PHF21B: variants seen among roughly 807,000 people sequenced by gnomAD.
The protein encoded by PHF21B is PHD finger protein 21B.
PHF21B carries 22 observed loss-of-function variants against 62.2 expected under a neutral mutation model. The observed-to-expected ratio is 0.35, with a 90% CI of 0.25 to 0.51. PHF21B has a LOEUF of 0.51. Ranked by LOEUF, PHF21B falls within the 20% of genes least tolerant of loss-of-function variation. The probability of loss-of-function intolerance (pLI) is 0.97; values close to 1 mark genes in which losing one functional copy is unlikely to be tolerated. For synonymous variants in PHF21B, 341 were observed against 314.7 expected, an observed-to-expected ratio of 1.08 and a Z score of -0.88; for missense variants, 701 against 707.9, an observed-to-expected ratio of 0.99 and a Z score of 0.11.
chr22:44,988,744 A>C, intron 2 of PHF21B, among the ~76,000 whole-genome samples: 1 of 152,202 alleles, frequency 6.6e-6, no homozygotes, highest in East Asian at 1.9e-4. Context: ...AGCATTGTGG[A>C]AGTTTAGCAA....
In PHF21B at chr22:44,913,761, G is replaced by C. The variant is rs541064716; in HGVS notation, c.831+61C>G. 914 of 1,548,678 alleles carry C rather than the reference G, an allele frequency of 5.9e-4. 16 individuals carry two copies. In the South Asian group the frequency reaches 0.011, roughly 18 times the overall value. ...TGAGGCCATCCCCGCTATACACAGCGGCCTCAGATGGCACCTGCAGACTGA... is the reference window on the plus strand; with the variant it reads ...TGAGGCCATCCCCGCTATACACAGCCGCCTCAGATGGCACCTGCAGACTGA... On this transcript the variant is annotated intron_variant, in intron 5 of 12. Transcript: ENST00000313237.
chr22:44,916,361 G>C lies in PHF21B; in HGVS notation c.483C>G (p.Ala161=). The change falls in exon 4 of 13, where the codon GCC becomes GCG. Residue 161 remains alanine (A), a synonymous_variant. Coordinates refer to ENST00000313237, the MANE Select transcript of PHF21B (RefSeq NM_138415.5). ...AIISTSPSNA[A]AMAPSTAVSV... ...ACACGGCGGTGCTGGGGGCCATGGC[G>C]GCGGCATTGCTGGGGGAGGTGGAGA... 2 of 1,595,232 alleles carry C rather than the reference G, an allele frequency of 1.3e-6. No individual in the cohort carries two copies. Among genetic ancestry groups the C allele is most frequent in the Non-Finnish European group, 1.7e-6 (2 of 1,176,196 alleles).
intron 2 of PHF21B, among the ~76,000 whole-genome samples, chr22:44,981,849 T>C (rs937709813): frequency 6.6e-6 from 1 of 152,180 alleles, no homozygotes; most frequent in African/African-American, 2.4e-5. Context: ...AGGTTGACCA[T>C]GAAAAGAAGG....
At chr22:44,903,368 A>T (rs983159268) in intron 5 of PHF21B, among the ~76,000 whole-genome samples, 2 of 151,460 alleles carry the variant, frequency 1.3e-5, no homozygotes, top group African/African-American at 4.9e-5. Context: ...TGCTCATTGC[A>T]CCATTGGCTT....
chr22:44,932,960 A>T (rs1165327650), intron 2 of PHF21B, among the ~76,000 whole-genome samples: 2 of 152,144 alleles, frequency 1.3e-5, no homozygotes, highest in African/African-American at 4.8e-5. Context: ...CATTCCAGCA[A>T]CCCTAGAGGT....
chr22:44,918,807 G>C (rs2071484672), intron 3 of PHF21B, among the ~76,000 whole-genome samples: 1 of 152,218 alleles, frequency 6.6e-6, no homozygotes, highest in African/African-American at 2.4e-5. Context: ...AGAGGGTGCT[G>C]GGCAGAGGGA....
chr22:44,920,262 G>A (rs1006150968), intron 3 of PHF21B, 136 bp downstream of exon 3: 1 of 516,976 alleles, frequency 1.9e-6, no homozygotes, highest in East Asian at 3.2e-5. Flanking sequence ...AGAGGTAAGA[G>A]GGGAAGGTGC....
At chr22:44,989,693 T>G (rs1184763475) in intron 2 of PHF21B, among the ~76,000 whole-genome samples, 1 of 125,896 alleles carries the variant, frequency 7.9e-6, no homozygotes, top group Non-Finnish European at 1.6e-5. Flanking sequence ...CACGGCAACC[T>G]CCGCATCCCA....
intron 7 of PHF21B, among the ~76,000 whole-genome samples, chr22:44,892,210 C>A (rs937646491): frequency 1.3e-5 from 2 of 152,166 alleles, no homozygotes; most frequent in Non-Finnish European, 2.9e-5. Context: ...AACACCTCCA[C>A]GATGTTCTTA....
At chr22:44,900,561 A>G (rs2071140063) in intron 5 of PHF21B, among the ~76,000 whole-genome samples, 1 of 152,208 alleles carries the variant, frequency 6.6e-6, no homozygotes, top group Non-Finnish European at 1.5e-5. Context: ...TCGGCCTCCT[A>G]AAGTGCTGAG....
intron 2 of PHF21B, chr22:44,933,348 G>A (rs951118006): frequency 3.5e-5 from 20 of 563,706 alleles, no homozygotes; most frequent in Non-Finnish European, 4.3e-5. Context: ...CGCCATCAGG[G>A]GATCCGTCCG....
At chr22:44,908,379 G>T (rs2071288269) in intron 5 of PHF21B, among the ~76,000 whole-genome samples, 1 of 152,170 alleles carries the variant, frequency 6.6e-6, no homozygotes, top group South Asian at 2.1e-4. Flanking sequence ...CTCCTAGGTG[G>T]TCTTATCTCG....
chr22:44,920,036 T>C (rs1297878055), intron 3 of PHF21B, among the ~76,000 whole-genome samples: 1 of 148,032 alleles, frequency 6.8e-6, no homozygotes, highest in East Asian at 1.9e-4. Flanking sequence ...CCATAACCCA[T>C]AGTCAAAAAT....
chr22:44,966,475 G>A (rs2072528291), intron 2 of PHF21B, among the ~76,000 whole-genome samples: 1 of 152,204 alleles, frequency 6.6e-6, no homozygotes, highest in Admixed American at 6.5e-5. Context: ...CAGCGTCCCT[G>A]TGAAAAGACA....
chr22:44,903,414 A>G (rs2071195689), intron 5 of PHF21B, among the ~76,000 whole-genome samples: 1 of 151,552 alleles, frequency 6.6e-6, no homozygotes. Flanking sequence ...CTCTGACGAC[A>G]CTAACACTTC....
Position 44,908,356 on chromosome 22 carries a change from G to A in PHF21B, c.831+5466C>T, listed in dbSNP as rs115535868. Among the ~76,000 whole-genome samples the A allele has an allele frequency of 2.4e-3, 367 of 152,206 alleles. 1 individual carries two copies. Among genetic ancestry groups the A allele is most frequent in the African/African-American group, 8.4e-3 (347 of 41,530 alleles). ...TGACCCATGTTGAGCATGGACGGGC[G>A]GCAGCTAACACCCTCCTAGGTGGTC... On this transcript the variant is annotated intron_variant, in intron 5 of 12. Transcript: ENST00000313237.
At chr22:44,892,998 C>T (rs1454171950) in intron 7 of PHF21B, among the ~76,000 whole-genome samples, 2 of 152,170 alleles carry the variant, frequency 1.3e-5, no homozygotes, top group Non-Finnish European at 2.9e-5. Context: ...GGGCACTGGC[C>T]ACGCCCACCC....
intron 10 of PHF21B, among the ~76,000 whole-genome samples, chr22:44,886,694 A>G (rs1356135250): frequency 6.6e-6 from 1 of 152,016 alleles, no homozygotes; most frequent in Non-Finnish European, 1.5e-5. Context: ...CTACCAAAAA[A>G]AAAAAAGGAT....
Position 44,916,351 on chromosome 22 carries a change from G to T in PHF21B, c.493C>A (p.Pro165Thr). The change falls in exon 4 of 13, where the codon CCC becomes ACC. Residue 165 changes from proline to threonine, a missense_variant. Coordinates refer to ENST00000313237, the MANE Select transcript of PHF21B (RefSeq NM_138415.5). ...CTGACCACAGACACGGCGGTGCTGG[G>T]GGCCATGGCGGCGGCATTGCTGGGG... ...TSPSNAAAMA[P>T]STAVSVVSDS... 6.3e-7 allele frequency: 1 copy of T among 1,597,046 alleles called. No individual in the cohort carries two copies.
Sources: gnomAD v4.1 joint callset for allele counts (sites outside exome capture counted in the v4.1 genomes callset) on GRCh38, gnomAD v4.1.1 for gene constraint, MANE v1.5 for transcripts, NCBI Gene and HGNC (gene_info 2026-07-23, HGNC 2026-07-21) for gene names.